The following TRIM31 variants were observed in gnomAD, a reference collection of about 807,000 sequenced individuals.
TRIM31 encodes the protein tripartite motif containing 31, also known as E3 ubiquitin-protein ligase TRIM31.
Under a neutral mutation model 40.6 loss-of-function variants are expected in TRIM31, and 31 were observed. That is an observed-to-expected ratio of 0.76 (90% CI 0.57 to 1.03). TRIM31 has a LOEUF of 1.03. TRIM31 is among the 50% of genes least tolerant of loss of function. TRIM31 has a pLI of 0.00. For synonymous variants in TRIM31, 164 were observed against 193.9 expected (o/e 0.85, Z 1.28); for missense variants, 455 against 497.5 (o/e 0.91, Z 0.81).
chr6:30,110,238 A>G (rs1769157290), intron 4 of TRIM31, among the ~76,000 whole-genome samples: 1 of 152,226 alleles, frequency 6.6e-6, no homozygotes, highest in Non-Finnish European at 1.5e-5. Context: ...TTTCTAAATC[A>G]CACATGTGGC....
rs1258426057 is a variant in TRIM31, at chr6:30,103,463, G to C, written c.*73C>G. On this transcript the variant is annotated 3_prime_UTR_variant, in exon 9 of 9. Coordinates refer to ENST00000376734, the MANE Select transcript of TRIM31 (RefSeq NM_007028.5). ...AAGTCAAGAACCGTGGTCGGTCTCA[G>C]CCACTCACTCAGCGCCACTCTATGC... 4.0e-5 allele frequency: 64 copies of C among 1,591,858 alleles called. No homozygotes were observed. Among genetic ancestry groups the C allele is most frequent in the Non-Finnish European group, 4.8e-5 (56 of 1,170,838 alleles).
At chr6:30,107,771 C>T (rs1768859290) in intron 6 of TRIM31, 1 of 305,152 alleles carries the variant, frequency 3.3e-6, no homozygotes, top group Non-Finnish European at 6.1e-6. Flanking sequence ...TTCCCAACAG[C>T]CACTGCTCTA....
chr6:30,112,281 G>C (rs535867574), intron 2 of TRIM31, 108 bp downstream of exon 2: 3 of 1,326,636 alleles, frequency 2.3e-6, no homozygotes, highest in Non-Finnish European at 3.1e-6. Context: ...CAAGCCCAAG[G>C]GGTGGGGGCA....
At chr6:30,109,620 C>T (rs908430382) in intron 4 of TRIM31, among the ~76,000 whole-genome samples, 66 of 152,258 alleles carry the variant, frequency 4.3e-4, no homozygotes, top group African/African-American at 1.5e-3. Flanking sequence ...GTGGTTCACG[C>T]CTGTAATCCC....
In TRIM31 at chr6:30,112,915, A is replaced by T. The variant is rs371270777; in HGVS notation, c.-83-27T>A. The stretch of plus-strand genomic sequence containing the variant: ...TAGGAAGGGAGAAGGGAGTCAGAGA[A>T]AGTGGAGGTCAGAGATTCTGCCAAT... On this transcript the variant is annotated intron_variant, in intron 1 of 8. Coordinates refer to ENST00000376734, the MANE Select transcript of TRIM31 (RefSeq NM_007028.5). 3.1e-4 allele frequency: 343 copies of T among 1,097,162 alleles called. 31 individuals carry two copies. Among genetic ancestry groups the T allele is most frequent in the East Asian group, 1.9e-3 (75 of 38,906 alleles). The allele number at this position is 1,097,162 out of a possible 1,614,324, so 68.0% of individuals were successfully genotyped here. A position where few individuals can be genotyped will look rare whatever the true frequency, so the allele number is the denominator to read the frequency against.
chr6:30,110,034 A>AAG (rs1014510382), intron 4 of TRIM31, among the ~76,000 whole-genome samples: 1 of 150,582 alleles, frequency 6.6e-6, no homozygotes, highest in Non-Finnish European at 1.5e-5. Context: ...GTGTAAAAAA[A>AAG]AAAAAAAAAA....
In TRIM31 at chr6:30,109,825, G is replaced by A. The variant is rs576223359; in HGVS notation, c.744+623C>T. Among the ~76,000 whole-genome samples the A allele has an allele frequency of 9.9e-5, 15 of 152,214 alleles. 1 individual carries two copies. The South Asian group carries it at 2.9e-3, about 30-fold the overall frequency. ...TGTAGTGCGCCAAAATCGCGCCACT[G>A]TACTCCAGCCTGGGCAACAGAGCAA... On this transcript the variant is annotated intron_variant, in intron 4 of 8. Transcript: ENST00000376734.
chr6:30,103,314 C>G lies in TRIM31; in HGVS notation c.*222G>C. The G allele has an allele frequency of 1.4e-6, 1 of 697,282 alleles. No homozygotes were observed. The highest frequency in any genetic ancestry group is 2.6e-5 in the East Asian group (1 of 38,172). The allele number at this position is 697,282 out of a possible 1,614,324, so 43.2% of individuals were successfully genotyped here. On this transcript the variant is annotated 3_prime_UTR_variant, in exon 9 of 9. Coordinates refer to ENST00000376734, the MANE Select transcript of TRIM31 (RefSeq NM_007028.5). ...GCGGGTGGCTGGAGATTGTCTCTTC[C>G]CCTCCTTTTGCTCAAGAATTCGTCC... is the stretch of plus-strand genomic sequence containing the variant.
In TRIM31 at chr6:30,112,724, T is replaced by C; in HGVS notation, c.82A>G (p.Thr28Ala). 6.2e-7 allele frequency: 1 copy of C among 1,613,082 alleles called. No individual in the cohort carries two copies. The highest frequency in any genetic ancestry group is 1.3e-5 in the African/African-American group (1 of 75,048). The change falls in exon 2 of 9, where the codon ACC becomes GCC. Residue 28 changes from threonine (T) to alanine (A), a missense_variant. Thr to Ala is a moderately conservative substitution (Grantham distance 58, BLOSUM62 0). Transcript: ENST00000376734. ...CAGAAATTGTGCCCACAGTCGATGG[T>C]GACAGGTTTCTGCAGAATGTCCAGG... ...ICLDILQKPV[T>A]IDCGHNFCLK...
intron 2 of TRIM31, 84 bp from the exon 3 acceptor site, chr6:30,111,827 T>A: frequency 8.0e-7 from 1 of 1,255,458 alleles, no homozygotes; most frequent in Non-Finnish European, 1.2e-6. Context: ...GGAGAGCTGG[T>A]GACACTCTCC....
chr6:30,111,886 G>A (rs1202613565), intron 2 of TRIM31, 143 bp from the exon 3 acceptor site: 28 of 737,698 alleles, frequency 3.8e-5, no homozygotes, highest in South Asian at 7.0e-5. Context: ...TCAAGCTGGC[G>A]GGGAAAGGGG....
chr6:30,107,096 A>G (rs9261409), intron 6 of TRIM31, among the ~76,000 whole-genome samples: 124,605 of 151,912 alleles, frequency 0.82, 51,498 homozygotes, highest in East Asian at 0.92. Context: ...GCAAAACTCC[A>G]TCAAAAATAA....
At chr6:30,105,117 T>A (rs2127380895) in intron 7 of TRIM31, 51 bp downstream of exon 7, 18 of 1,523,922 alleles carry the variant, frequency 1.2e-5, no homozygotes, top group Non-Finnish European at 1.6e-5. Flanking sequence ...TCTTCCCCTT[T>A]TCTCACTTTC....
chr6:30,107,852 A>G (rs1362195727), intron 6 of TRIM31: 13 of 559,322 alleles, frequency 2.3e-5, no homozygotes, highest in Non-Finnish European at 3.5e-5. Flanking sequence ...AGGCAGATAA[A>G]TAACATATCA....
intron 6 of TRIM31, among the ~76,000 whole-genome samples, chr6:30,106,835 C>T (rs2127384233): frequency 6.6e-6 from 1 of 152,312 alleles, no homozygotes; most frequent in African/African-American, 2.4e-5. Context: ...GACGTGGTGG[C>T]TCACGCCTGT....
At chr6:30,108,289 T>A in intron 5 of TRIM31, 121 bp from the exon 6 acceptor site, 1 of 705,398 alleles carries the variant, frequency 1.4e-6, no homozygotes, top group Non-Finnish European at 2.5e-6. Flanking sequence ...CTGAGAGCAG[T>A]GGCTCACACC....
rs754734507 is a variant in TRIM31, at chr6:30,110,662, TCATGTTCTACCTGGTCC to T, written c.514-1_529del. 9.9e-6 allele frequency: 16 copies of T among 1,614,192 alleles called. No individual in the cohort carries two copies. The Admixed American group carries it at 2.7e-4, about 27-fold the overall frequency. On this transcript the variant is annotated splice_acceptor_variant and coding_sequence_variant, in exon 4 of 9. Coordinates refer to ENST00000376734, the MANE Select transcript of TRIM31 (RefSeq NM_007028.5). LOFTEE classifies it high-confidence loss of function. ...AAATTCTGTGAGGATCCTTTGCTTCTCATGTTCTACCTGGTCCTAAGAAACAGGGACAGGCAGAGGGT... is the reference window on the plus strand; with the variant it reads ...AAATTCTGTGAGGATCCTTTGCTTCTTAAGAAACAGGGACAGGCAGAGGGT...
At chr6:30,109,109 G>C in intron 4 of TRIM31, 61 bp from the exon 5 acceptor site, 1 of 1,576,882 alleles carries the variant, frequency 6.3e-7, no homozygotes, top group Non-Finnish European at 8.7e-7. Flanking sequence ...GAGCCAAGGA[G>C]GAGATACAGA....
chr6:30,106,412 T>C, intron 6 of TRIM31, among the ~76,000 whole-genome samples: 1 of 152,116 alleles, frequency 6.6e-6, no homozygotes. Flanking sequence ...CACACCCTTC[T>C]CCACGTACGT....
Sources: allele counts gnomAD v4.1 joint callset (sites outside exome capture counted in the v4.1 genomes callset), GRCh38; gene constraint gnomAD v4.1.1; transcripts MANE v1.5; gene names NCBI Gene and HGNC (gene_info 2026-07-23, HGNC 2026-07-21).